PCDH15: variants seen among roughly 807,000 people sequenced by gnomAD.
PCDH15 encodes protocadherin related 15, also known as protocadherin-15.
Under a neutral mutation model 178.5 loss-of-function variants are expected in PCDH15, and 129 were observed. The ratio of observed to expected loss-of-function variants is 0.72; its 90% CI spans 0.63 to 0.84. The LOEUF (loss-of-function observed/expected upper bound fraction) is 0.84, where lower values mean the gene tolerates loss of function less well. Ranked by LOEUF, PCDH15 falls within the 40% of genes least tolerant of loss-of-function variation. PCDH15 has a pLI of 0.00. For missense variants in PCDH15, 2,230 were observed against 2,099.9 expected (o/e 1.06, Z -1.21); for synonymous variants, 800 against 732.0 (o/e 1.09, Z -1.50).
At chr10:54,760,804 C>A (rs1947778314) in intron 1 of PCDH15, among the ~76,000 whole-genome samples, 1 of 152,098 alleles carries the variant, frequency 6.6e-6, no homozygotes, top group Non-Finnish European at 1.5e-5. Context: ...TAACAGTTAT[C>A]TTTCCCAGAC....
chr10:54,806,341 A>C (rs74418896), intron 3 of PCDH15, among the ~76,000 whole-genome samples: 4,871 of 152,218 alleles, frequency 0.032, 229 homozygotes, highest in African/African-American at 0.11. Context: ...TGTGAGTCAG[A>C]GGTCCAGATC....
chr10:54,396,152 G>A (rs1565169763), intron 3 of PCDH15, among the ~76,000 whole-genome samples: 1 of 152,154 alleles, frequency 6.6e-6, no homozygotes, highest in Admixed American at 6.6e-5. Context: ...ACTTTAGACT[G>A]TTATGGGCCT....
At chr10:54,180,973 C>T (rs1488363639) in intron 13 of PCDH15, among the ~76,000 whole-genome samples, 2 of 152,020 alleles carry the variant, frequency 1.3e-5, no homozygotes, top group Non-Finnish European at 2.9e-5. Flanking sequence ...AGGAAATAAG[C>T]CTTTGATCCC....
In PCDH15 at chr10:54,132,862, C is replaced by T. The variant is rs1564497294; in HGVS notation, c.1917+13G>A. The T allele has an allele frequency of 6.2e-7, 1 of 1,604,342 alleles. No individual in the cohort carries two copies. The highest frequency in any genetic ancestry group is 1.7e-5 in the Admixed American group (1 of 58,766). On this transcript the variant is annotated intron_variant, in intron 15 of 37. Transcript: ENST00000644397. ...TTATACACACACACACACACACACA[C>T]CAAGGAACATACCTGTAGATTTAAT...
At chr10:54,616,052 G>T (rs970283849) in intron 2 of PCDH15, among the ~76,000 whole-genome samples, 10 of 151,922 alleles carry the variant, frequency 6.6e-5, no homozygotes, top group Admixed American at 5.9e-4. Context: ...TCATTTTTTT[G>T]AGTAGAAATA....
At chr10:55,183,255 G>C (rs757294444) in intron 1 of PCDH15, among the ~76,000 whole-genome samples, 2 of 151,860 alleles carry the variant, frequency 1.3e-5, no homozygotes, top group Admixed American at 6.6e-5. Flanking sequence ...ATATTGTCAA[G>C]TGTTTTAAGG....
At chr10:55,079,901 A>G (rs573303847) in intron 2 of PCDH15, among the ~76,000 whole-genome samples, 1 of 152,064 alleles carries the variant, frequency 6.6e-6, no homozygotes, top group South Asian at 2.1e-4. Context: ...GGACTGGTAA[A>G]GATAAACTGA....
intron 1 of PCDH15, among the ~76,000 whole-genome samples, chr10:54,705,833 T>C (rs537094163): frequency 6.6e-6 from 1 of 152,184 alleles, no homozygotes; most frequent in Non-Finnish European, 1.5e-5. Flanking sequence ...GTCTGATAGT[T>C]TTACTCAAAT....
intron 3 of PCDH15, among the ~76,000 whole-genome samples, chr10:54,860,599 G>A (rs1015967106): frequency 7.2e-5 from 11 of 152,034 alleles, no homozygotes; most frequent in African/African-American, 1.7e-4. Flanking sequence ...TGCAAACAGC[G>A]CTATGATGAA....
At chr10:54,122,040 GAC>G (rs755929854) in intron 15 of PCDH15, among the ~76,000 whole-genome samples, 4,384 of 126,966 alleles carry the variant, frequency 0.035, 241 homozygotes, top group African/African-American at 0.14. Flanking sequence ...CACAGAGACA[GAC>G]ACACACACAC....
intron 25 of PCDH15, among the ~76,000 whole-genome samples, chr10:53,932,967 C>G (rs1352864940): frequency 6.6e-6 from 1 of 151,978 alleles, no homozygotes; most frequent in East Asian, 1.9e-4. Context: ...CCTTCCCCCA[C>G]CACTCTCTCT....
At chr10:55,505,259 G>T (rs1840736410) in intron 2 of PCDH15, among the ~76,000 whole-genome samples, 1 of 151,292 alleles carries the variant, frequency 6.6e-6, no homozygotes, top group Non-Finnish European at 1.5e-5. Context: ...AATTAGTGGT[G>T]TAAGCAATTA....
chr10:54,600,581 C>T (rs1228343902), intron 2 of PCDH15: 18 of 591,326 alleles, frequency 3.0e-5, no homozygotes, highest in Middle Eastern at 3.8e-4. Flanking sequence ...CTCAAATGGT[C>T]GAAGAGCATG....
In PCDH15 at chr10:55,289,260, C is replaced by A. The variant is rs1842950153; in HGVS notation, c.-156+30339G>T. Among the ~76,000 whole-genome samples the A allele has an allele frequency of 2.0e-5, 3 of 151,994 alleles. No homozygotes were observed. In the South Asian group the frequency reaches 6.2e-4, roughly 32 times the overall value. On this transcript the variant is annotated intron_variant, in intron 1 of 5. Transcript: ENST00000458638. ...ACCAGGAACTGAGATTCTAAATTTA[C>A]ATACTCTCATACCATTTTATGTTTA...
At chr10:53,928,380 CAATCTAATAACTATGCTA>C (rs1245669424) in intron 25 of PCDH15, among the ~76,000 whole-genome samples, 1 of 151,656 alleles carries the variant, frequency 6.6e-6, no homozygotes, top group Non-Finnish European at 1.5e-5. Context: ...AAATAAAAAC[CAATCTAATAACTATGCTA>C]AATCTTTAGC....
intron 2 of PCDH15, among the ~76,000 whole-genome samples, chr10:54,946,504 C>T (rs761362647): frequency 5.3e-5 from 8 of 151,606 alleles, no homozygotes; most frequent in Non-Finnish European, 7.4e-5. Context: ...ACATTTGTTA[C>T]GCAAAAACAT....
intron 18 of PCDH15, among the ~76,000 whole-genome samples, chr10:54,043,411 G>A (rs527331603): frequency 2.0e-5 from 3 of 149,346 alleles, no homozygotes; most frequent in African/African-American, 4.9e-5. Context: ...CTTTTTTTTC[G>A]AGACAGGGTC....
At chr10:53,978,940 G>A (rs2090407911) in intron 21 of PCDH15, among the ~76,000 whole-genome samples, 1 of 152,068 alleles carries the variant, frequency 6.6e-6, no homozygotes, top group African/African-American at 2.4e-5. Context: ...TCAGCAGTTT[G>A]TTCAAAGCCA....
chr10:54,155,710 T>C (rs1237543147), intron 13 of PCDH15, among the ~76,000 whole-genome samples: 1 of 150,986 alleles, frequency 6.6e-6, no homozygotes, highest in African/African-American at 2.4e-5. Context: ...AGCAGGAGAA[T>C]TGCTTGAACC....
Sources: allele counts gnomAD v4.1 joint callset (sites outside exome capture counted in the v4.1 genomes callset), GRCh38; gene constraint gnomAD v4.1.1; transcripts MANE v1.5; gene names NCBI Gene and HGNC (gene_info 2026-07-23, HGNC 2026-07-21).